GNAL: variants seen among roughly 807,000 people sequenced by gnomAD.
The protein encoded by GNAL is guanine nucleotide-binding protein G(olf) subunit alpha.
A neutral mutation model predicts 55.1 loss-of-function variants in GNAL; 18 were observed. The ratio of observed to expected loss-of-function variants is 0.33; its 90% confidence interval spans 0.23 to 0.48. The LOEUF is 0.48. GNAL is among the 20% of genes least tolerant of loss of function. The pLI is 0.99. For missense variants in GNAL, 412 were observed against 614.1 expected, an observed-to-expected ratio of 0.67 and a Z score of 3.48; for synonymous variants, 253 against 237.0, an observed-to-expected ratio of 1.07 and a Z score of -0.62.
chr18:11,806,731 CTTTT>C (rs33956319), intron 4 of GNAL, among the ~76,000 whole-genome samples: 2 of 139,798 alleles, frequency 1.4e-5, no homozygotes, highest in Non-Finnish European at 3.1e-5. Flanking sequence ...GTGAAGTACT[CTTTT>C]TTTTTTTTTT....
At chr18:11,795,629 A>G (rs2034358903) in intron 4 of GNAL, among the ~76,000 whole-genome samples, 1 of 152,166 alleles carries the variant, frequency 6.6e-6, no homozygotes, top group South Asian at 2.1e-4. Flanking sequence ...AGTTCAGCTG[A>G]GACCTGTTTT....
At chr18:11,818,187 G>A (rs1474164900) in intron 4 of GNAL, among the ~76,000 whole-genome samples, 1 of 152,058 alleles carries the variant, frequency 6.6e-6, no homozygotes, top group East Asian at 1.9e-4. Flanking sequence ...TAGATAAACT[G>A]TGTAACATTA....
chr18:11,697,355 T>A (rs1179197589), intron 1 of GNAL, among the ~76,000 whole-genome samples: 1 of 151,978 alleles, frequency 6.6e-6, no homozygotes, highest in African/African-American at 2.4e-5. Flanking sequence ...CTGGCCAACA[T>A]GGTGAAACCC....
At chr18:11,847,692 G>T (rs750342734) in intron 5 of GNAL, among the ~76,000 whole-genome samples, 1 of 151,908 alleles carries the variant, frequency 6.6e-6, no homozygotes, top group African/African-American at 2.4e-5. Context: ...CAATGTTAAC[G>T]TGGTAGTTGC....
At chr18:11,844,573 C>T (rs1308569480) in intron 5 of GNAL, among the ~76,000 whole-genome samples, 2 of 152,186 alleles carry the variant, frequency 1.3e-5, no homozygotes, top group East Asian at 3.8e-4. Context: ...AAAGCTGGGT[C>T]TAAGGCAGAT....
intron 4 of GNAL, among the ~76,000 whole-genome samples, chr18:11,775,553 C>T (rs1209983589): frequency 6.6e-6 from 1 of 152,186 alleles, no homozygotes; most frequent in South Asian, 2.1e-4. Flanking sequence ...ATGTCTAAGC[C>T]CTACCTCACC....
intron 4 of GNAL, among the ~76,000 whole-genome samples, chr18:11,790,437 A>G (rs959519331): frequency 1.3e-5 from 2 of 152,182 alleles, no homozygotes; most frequent in African/African-American, 2.4e-5. Context: ...ATAATGTAAC[A>G]TTCACACTAA....
chr18:11,729,562 T>C (rs2032288871), intron 1 of GNAL, among the ~76,000 whole-genome samples: 1 of 152,238 alleles, frequency 6.6e-6, no homozygotes, highest in African/African-American at 2.4e-5. Flanking sequence ...ATGTACTTCC[T>C]TCATAATACT....
At chr18:11,876,554 G>C (rs2036536954) in intron 10 of GNAL, 67 bp from the exon 11 acceptor site, 1 of 953,554 alleles carries the variant, frequency 1.0e-6, no homozygotes, top group Non-Finnish European at 1.7e-6. Context: ...AATTCCTTCT[G>C]TGTTTTCGTA....
chr18:11,730,428 G>A (rs1280536699), intron 1 of GNAL, among the ~76,000 whole-genome samples: 16 of 151,560 alleles, frequency 1.1e-4, no homozygotes, highest in Admixed American at 6.6e-5. Context: ...CCAAAATGCC[G>A]GGATCACAGG....
chr18:11,775,100 C>A (rs1439221837), intron 4 of GNAL, among the ~76,000 whole-genome samples: 4 of 152,214 alleles, frequency 2.6e-5, no homozygotes, highest in Non-Finnish European at 5.9e-5. Context: ...CTAATGGCTT[C>A]TTTCTAATTC....
chr18:11,700,118 C>T, intron 1 of GNAL, among the ~76,000 whole-genome samples: 1 of 152,182 alleles, frequency 6.6e-6, no homozygotes, highest in African/African-American at 2.4e-5. Flanking sequence ...AAGAAGAGGA[C>T]AGACACCACA....
At chr18:11,776,430 G>A in intron 4 of GNAL, among the ~76,000 whole-genome samples, 1 of 152,120 alleles carries the variant, frequency 6.6e-6, no homozygotes, top group East Asian at 1.9e-4. Flanking sequence ...ATTTATGCCA[G>A]GCAAAGTGGC....
At position 11,881,415 on chromosome 18, in the gene GNAL, C is replaced by A; in HGVS notation, c.*280C>A. The A allele has an allele frequency of 5.7e-6, 2 of 353,970 alleles. No homozygotes were observed. The highest frequency in any genetic ancestry group is 1.1e-5 in the Non-Finnish European group (2 of 190,154). The allele number at this position is 353,970 out of a possible 1,614,324, so 21.9% of individuals were successfully genotyped here. A position where few individuals can be genotyped will look rare whatever the true frequency, so the allele number is the denominator to read the frequency against. On this transcript the variant is annotated 3_prime_UTR_variant, in exon 12 of 12. Coordinates refer to ENST00000334049, the MANE Select transcript of GNAL (RefSeq NM_182978.4). The surrounding 1 kb of genome is among the most constrained non-coding windows in gnomAD (Gnocchi z 4.8). ...CCGGGTGGGAGCCCCATTATTCATT[C>A]TCCCTTTATTGATTCATCGAGGAGA...
intron 4 of GNAL, among the ~76,000 whole-genome samples, chr18:11,778,022 G>A (rs952157605): frequency 6.6e-6 from 1 of 152,226 alleles, no homozygotes; most frequent in Non-Finnish European, 1.5e-5. Context: ...CCACCAGCTT[G>A]TGTTGTGCCT....
Position 11,871,996 on chromosome 18 carries a change from A to G in GNAL, c.1032-272A>G, listed in dbSNP as rs373574590. On this transcript the variant is annotated intron_variant, in intron 9 of 11. Transcript: ENST00000334049. ...CAAAGTGTCAAATGCTCCGACAAGC[A>G]TTTCCTTCGAGCATCATGTCAGTGC... is the stretch of plus-strand genomic sequence containing the variant. Among the ~76,000 whole-genome samples the G allele has an allele frequency of 4.6e-5, 7 of 152,364 alleles. No homozygotes were observed. The East Asian group carries it at 1.2e-3, about 25-fold the overall frequency.
At chr18:11,823,733 G>GA (rs1025727748) in intron 4 of GNAL, among the ~76,000 whole-genome samples, 1 of 152,196 alleles carries the variant, frequency 6.6e-6, no homozygotes, top group African/African-American at 2.4e-5. Flanking sequence ...GAGTCGCTGG[G>GA]ACAGGCCATG....
chr18:11,759,473 C>T (rs1407277377), intron 4 of GNAL, among the ~76,000 whole-genome samples: 1 of 152,252 alleles, frequency 6.6e-6, no homozygotes, highest in Non-Finnish European at 1.5e-5. Context: ...ACCCAGAGAG[C>T]AGAGGTCAGT....
At chr18:11,833,585 A>T (rs8099203) in intron 5 of GNAL, 1 of 152,180 alleles carries the variant, frequency 6.6e-6, no homozygotes, top group African/African-American at 2.4e-5. Flanking sequence ...ACCTGTTTTT[A>T]AAATATCTCA....
Sources: gnomAD v4.1 joint callset for allele counts (sites outside exome capture counted in the v4.1 genomes callset) on GRCh38, gnomAD v4.1.1 for gene constraint, Gnocchi (gnomAD v3.1) non-coding constraint, MANE v1.5 for transcripts, NCBI Gene and HGNC (gene_info 2026-07-23, HGNC 2026-07-21) for gene names.